The following PTPN13 variants were observed in gnomAD, a reference collection of about 807,000 sequenced individuals.
The protein encoded by PTPN13 is protein tyrosine phosphatase non-receptor type 13.
A neutral mutation model predicts 284.0 loss-of-function variants in PTPN13; 191 were observed. The ratio of observed to expected loss-of-function variants is 0.67; its 90% CI spans 0.60 to 0.76. PTPN13 has a LOEUF of 0.76. Ranked by LOEUF, PTPN13 falls within the 30% of genes least tolerant of loss-of-function variation. PTPN13 has a pLI of 0.00. For missense variants in PTPN13, 2,797 were observed against 2,939.9 expected (o/e 0.95, Z 1.12); for synonymous variants, 986 against 1,022.3 (o/e 0.96, Z 0.68).
rs753042665 is a variant in PTPN13, at chr4:86,689,060, T to A, written c.416T>A (p.Val139Asp). Residue 139 changes from valine to aspartate, a missense_variant, in exon 5 of 48, where the codon GTT becomes GAT. Physicochemically the swap from Val to Asp is radical, Grantham distance 152. Transcript: ENST00000411767. ...ATACTGCTTGGAATGTGTGAGGATG[T>A]TATTTACGCTCGAGTTTCTGTTCGG... ...NSILLGMCED[V>D]IYARVSVRTV... The A allele has an allele frequency of 2.5e-6, 4 of 1,589,444 alleles. No homozygotes were observed. The East Asian group carries it at 6.7e-5, about 27-fold the overall frequency.
chr4:86,744,947 C>G lies in PTPN13; in HGVS notation c.2488-19C>G. The G allele has an allele frequency of 2.0e-6, 3 of 1,499,994 alleles. No homozygotes were observed. Among genetic ancestry groups the G allele is most frequent in the Non-Finnish European group, 2.7e-6 (3 of 1,101,708 alleles). The allele number at this position is 1,499,994 out of a possible 1,614,324, so 92.9% of individuals were successfully genotyped here. On this transcript the variant is annotated intron_variant, in intron 16 of 47. Coordinates refer to ENST00000411767, the MANE Select transcript of PTPN13 (RefSeq NM_080683.3). ...TCTCTACTTACTATAATTATGAATA[C>G]CCTTGGTTAATATTGTAGAAAAAGA...
At chr4:86,752,106 G>T (rs1737460256) in intron 19 of PTPN13, among the ~76,000 whole-genome samples, 1 of 152,100 alleles carries the variant, frequency 6.6e-6, no homozygotes, top group Non-Finnish European at 1.5e-5. Context: ...GGATGTTTAA[G>T]CACAGAGATC....
At chr4:86,790,415 A>C (rs577350742) in intron 40 of PTPN13, among the ~76,000 whole-genome samples, 1 of 152,308 alleles carries the variant, frequency 6.6e-6, no homozygotes, top group African/African-American at 2.4e-5. Context: ...ACAGATCGAC[A>C]TGATTCCTGC....
chr4:86,776,214 G>T (rs1338533188), intron 35 of PTPN13, among the ~76,000 whole-genome samples: 1 of 152,224 alleles, frequency 6.6e-6, no homozygotes, highest in African/African-American at 2.4e-5. Context: ...CCAAAGTGCT[G>T]GGATTACAGG....
intron 3 of PTPN13, among the ~76,000 whole-genome samples, chr4:86,675,178 T>C (rs1031787246): frequency 1.3e-5 from 2 of 152,156 alleles, no homozygotes; most frequent in Admixed American, 6.5e-5. Context: ...TTTTGCCAAG[T>C]GTTTAGAAGC....
intron 3 of PTPN13, among the ~76,000 whole-genome samples, chr4:86,673,770 T>A (rs1727967187): frequency 6.6e-6 from 1 of 152,116 alleles, no homozygotes; most frequent in Non-Finnish European, 1.5e-5. Context: ...TGCAGTAGCA[T>A]AATCTCGGCT....
chr4:86,758,521 G>T, intron 21 of PTPN13, 157 bp from the exon 22 acceptor site: 1 of 889,638 alleles, frequency 1.1e-6, no homozygotes, highest in Non-Finnish European at 1.7e-6. Flanking sequence ...TGCCTAATAA[G>T]AAATGCCTAC....
At chr4:86,769,328 C>CTGTTT (rs1212298472) in intron 28 of PTPN13, among the ~76,000 whole-genome samples, 23 of 151,988 alleles carry the variant, frequency 1.5e-4, no homozygotes, top group African/African-American at 2.9e-4. Context: ...TTATCGTACT[C>CTGTTT]TGTTTTGTTT....
In PTPN13 at chr4:86,753,074, A is replaced by G; in HGVS notation, c.3223+9A>G. The G allele has an allele frequency of 1.9e-6, 3 of 1,598,414 alleles. No homozygotes were observed. Among genetic ancestry groups the G allele is most frequent in the Non-Finnish European group, 2.6e-6 (3 of 1,167,452 alleles). On this transcript the variant is annotated intron_variant, in intron 20 of 47. Transcript: ENST00000411767. Reference sequence around the variant, plus strand: ...ACCCTTAAAAGAAAATGGTAGGTTTACAAAATGTTTTTCCCCTCATTTCCA... The same window carrying G: ...ACCCTTAAAAGAAAATGGTAGGTTTGCAAAATGTTTTTCCCCTCATTTCCA...
At chr4:86,610,456 T>C (rs1765164786) in intron 1 of PTPN13, among the ~76,000 whole-genome samples, 2 of 152,200 alleles carry the variant, frequency 1.3e-5, no homozygotes, top group Non-Finnish European at 2.9e-5. Context: ...ATAGCCTAAA[T>C]CAAGTGTCAC....
chr4:86,673,779 C>T (rs375075736), intron 3 of PTPN13, among the ~76,000 whole-genome samples: 41 of 152,328 alleles, frequency 2.7e-4, no homozygotes, highest in African/African-American at 9.9e-4. Context: ...ATAATCTCGG[C>T]TTACTGCAAC....
At chr4:86,677,115 A>C in intron 3 of PTPN13, among the ~76,000 whole-genome samples, 1 of 151,628 alleles carries the variant, frequency 6.6e-6, no homozygotes, top group East Asian at 2.0e-4. Flanking sequence ...AAAATACAAA[A>C]AATTAACCAG....
At chr4:86,674,015 T>G (rs1036963250) in intron 3 of PTPN13, among the ~76,000 whole-genome samples, 4 of 152,136 alleles carry the variant, frequency 2.6e-5, no homozygotes, top group African/African-American at 9.7e-5. Flanking sequence ...CCAGGGAGTT[T>G]TAATACTCTG....
At chr4:86,681,248 G>A (rs1032149884) in intron 3 of PTPN13, among the ~76,000 whole-genome samples, 1 of 151,900 alleles carries the variant, frequency 6.6e-6, no homozygotes, top group Non-Finnish European at 1.5e-5. Context: ...TAATACATAG[G>A]TGCATACATA....
At chr4:86,619,304 CAT>C (rs761383004) in intron 1 of PTPN13, among the ~76,000 whole-genome samples, 28 of 152,146 alleles carry the variant, frequency 1.8e-4, no homozygotes, top group Admixed American at 1.3e-4. Context: ...ACAGATGAAA[CAT>C]TATACATCTA....
intron 2 of PTPN13, among the ~76,000 whole-genome samples, chr4:86,663,416 G>A (rs905249156): frequency 2.0e-4 from 30 of 152,178 alleles, no homozygotes; most frequent in African/African-American, 7.0e-4. Context: ...ACTTAGCAAG[G>A]CCTTTTTGAT....
chr4:86,652,241 T>A (rs1725170236), intron 2 of PTPN13, among the ~76,000 whole-genome samples: 1 of 152,226 alleles, frequency 6.6e-6, no homozygotes, highest in Admixed American at 6.5e-5. Context: ...AAAAGTTATT[T>A]TAGTTATTAT....
intron 11 of PTPN13, 37 bp from the exon 12 acceptor site, chr4:86,732,555 T>G: frequency 6.3e-7 from 1 of 1,598,600 alleles, no homozygotes; most frequent in Non-Finnish European, 8.5e-7. Flanking sequence ...CTTATAATGC[T>G]TATTTTAATA....
Position 86,764,606 on chromosome 4 carries a change from C to A in PTPN13, c.4031C>A (p.Ser1344Ter). The A allele has an allele frequency of 6.6e-7, 1 of 1,514,438 alleles. No individual in the cohort carries two copies. Among genetic ancestry groups the A allele is most frequent in the Non-Finnish European group, 8.9e-7 (1 of 1,128,790 alleles). 93.8% of individuals were successfully genotyped at this position (1,514,438 alleles called of 1,614,324 possible). ...HQTPKQESSS[S>*]VNTSNKMNFK... is the part of the protein sequence containing the mutation. ...TTCTTTGTTAAGGAATCTTCCTCTT[C>A]AGTGAATACATCCAACAAGATGAAT... Residue 1344 changes from serine (S) to a stop codon, truncating the protein, a stop_gained, in exon 25 of 48, where the codon TCA becomes TAA. Coordinates refer to ENST00000411767, the MANE Select transcript of PTPN13 (RefSeq NM_080683.3). LOFTEE classifies it high-confidence loss of function.
Sources: gnomAD v4.1 joint callset for allele counts (sites outside exome capture counted in the v4.1 genomes callset) on GRCh38, gnomAD v4.1.1 for gene constraint, MANE v1.5 for transcripts, NCBI Gene and HGNC (gene_info 2026-07-23, HGNC 2026-07-21) for gene names.